FMN1: variants seen among roughly 807,000 people sequenced by gnomAD.
FMN1 encodes the protein formin 1, also known as formin-1.
Under a neutral mutation model 132.4 loss-of-function variants are expected in FMN1, and 110 were observed. The observed-to-expected ratio is 0.83, with a 90% CI of 0.71 to 0.97. The LOEUF is 0.97. Among genes scored for constraint, FMN1 ranks in the 50% least tolerant of loss-of-function variants. FMN1 has a pLI of 0.00. For missense variants in FMN1, 1,792 were observed against 1,705.3 expected (o/e 1.05, Z -0.90); for synonymous variants, 722 against 651.7 (o/e 1.11, Z -1.64).
At position 32,910,842 on chromosome 15, in the gene FMN1, T is replaced by C. The variant is rs146500108; in HGVS notation, c.3227-307A>G. On this transcript the variant is annotated intron_variant, in intron 10 of 20. Coordinates refer to ENST00000616417, the MANE Select transcript of FMN1 (RefSeq NM_001277313.2). The stretch of plus-strand genomic sequence containing the variant: ...TTTAAAACTAAATCAGTTTGTAGGT[T>C]TGAAGCACAATTTTAAATCTTTCTT... 2.7e-3 allele frequency among the ~76,000 whole-genome samples: 412 copies of C among 152,314 alleles called. 4 individuals are homozygous for C. Among genetic ancestry groups the C allele is most frequent in the African/African-American group, 9.6e-3 (400 of 41,552 alleles).
At position 33,028,033 on chromosome 15, in the gene FMN1, G is replaced by A. The variant is rs577971061; in HGVS notation, c.2162-19958C>T. Among the ~76,000 whole-genome samples, 11 of 152,316 alleles carry A rather than the reference G, an allele frequency of 7.2e-5. No individual in the cohort carries two copies. In the East Asian group the frequency reaches 2.1e-3, roughly 29 times the overall value. ...CAAGTCAAAATTTCTCCATGAGCCAGCCTATTTAATCCCTACCCCCATAAA... is the reference window on the plus strand; with the variant it reads ...CAAGTCAAAATTTCTCCATGAGCCAACCTATTTAATCCCTACCCCCATAAA... On this transcript the variant is annotated intron_variant, in intron 6 of 20. Coordinates refer to ENST00000616417, the MANE Select transcript of FMN1 (RefSeq NM_001277313.2).
chr15:33,110,613 G>A (rs896813848), intron 4 of FMN1, among the ~76,000 whole-genome samples: 3 of 151,696 alleles, frequency 2.0e-5, no homozygotes, highest in Admixed American at 6.6e-5. Flanking sequence ...AGTAAAACAC[G>A]TCCCCCCGCC....
chr15:33,003,411 CAGAG>C lies in FMN1; in HGVS notation c.2223+4599_2223+4602del, dbSNP rs531451157. Reference sequence around the variant, plus strand: ...AGCATTCTTATACACCAATAACAGACAGAGAGCCAAATCATGAGTGAACTCCCAT... The same window carrying C: ...AGCATTCTTATACACCAATAACAGACAGCCAAATCATGAGTGAACTCCCAT... On this transcript the variant is annotated intron_variant, in intron 7 of 20. Coordinates refer to ENST00000616417, the MANE Select transcript of FMN1 (RefSeq NM_001277313.2). Among the ~76,000 whole-genome samples, 496 of 152,262 alleles carry C rather than the reference CAGAG, an allele frequency of 3.3e-3. 3 individuals carry two copies. Among genetic ancestry groups the C allele is most frequent in the African/African-American group, 0.011 (473 of 41,548 alleles).
chr15:32,954,190 G>T (rs752184766), intron 9 of FMN1, among the ~76,000 whole-genome samples: 2 of 152,056 alleles, frequency 1.3e-5, no homozygotes, highest in Non-Finnish European at 2.9e-5. Context: ...TAAAAAACTT[G>T]GTTTGTTTAA....
Position 33,012,529 on chromosome 15 carries a change from G to A in FMN1, c.2162-4454C>T, listed in dbSNP as rs534181080. The A allele has an allele frequency of 1.6e-5, 24 of 1,519,214 alleles. No homozygotes were observed. The African/African-American group carries it at 2.9e-4, about 18-fold the overall frequency. The allele number at this position is 1,519,214 out of a possible 1,614,324, so 94.1% of individuals were successfully genotyped here. On this transcript the variant is annotated intron_variant, in intron 6 of 20. Coordinates refer to ENST00000616417, the MANE Select transcript of FMN1 (RefSeq NM_001277313.2). ...AATGGAAGTGATTGAAATCATGACT[G>A]ACCGAGGCAGTGGCAAGAAAAGGGG...
intron 4 of FMN1, among the ~76,000 whole-genome samples, chr15:33,091,673 T>G (rs1309429853): frequency 6.6e-6 from 1 of 152,224 alleles, no homozygotes; most frequent in African/African-American, 2.4e-5. Context: ...CCACAATGTA[T>G]TTATAAAATA....
chr15:32,895,108 T>C (rs1028313267), intron 15 of FMN1, among the ~76,000 whole-genome samples: 1 of 152,144 alleles, frequency 6.6e-6, no homozygotes, highest in Non-Finnish European at 1.5e-5. Flanking sequence ...AGTCATTAAA[T>C]CCTTAGTTGT....
chr15:32,949,632 G>T (rs1255608557), intron 9 of FMN1, among the ~76,000 whole-genome samples: 2 of 151,754 alleles, frequency 1.3e-5, no homozygotes, highest in African/African-American at 2.4e-5. Context: ...TACCATTCAG[G>T]ACACAGGCAC....
chr15:32,898,792 T>C (rs140128513), intron 15 of FMN1, 42 bp downstream of exon 15: 29,376 of 1,266,148 alleles, frequency 0.023, 426 homozygotes, highest in Middle Eastern at 0.043. Context: ...ATGTCAACAA[T>C]GAGTAAGAGG....
intron 4 of FMN1, among the ~76,000 whole-genome samples, chr15:33,113,966 T>C (rs1027065376): frequency 1.1e-4 from 16 of 152,206 alleles, no homozygotes; most frequent in African/African-American, 3.9e-4. Flanking sequence ...ACCTGCTCCT[T>C]AGCTCAGGAA....
At chr15:33,078,798 G>C (rs2038328447) in intron 5 of FMN1, among the ~76,000 whole-genome samples, 1 of 151,426 alleles carries the variant, frequency 6.6e-6, no homozygotes, top group Non-Finnish European at 1.5e-5. Flanking sequence ...CTTCATCCTG[G>C]AGAGAGAGAG....
intron 7 of FMN1, among the ~76,000 whole-genome samples, chr15:32,981,950 C>A (rs374337698): frequency 6.6e-6 from 1 of 151,986 alleles, no homozygotes; most frequent in Admixed American, 6.6e-5. Context: ...AGTCTCTAAG[C>A]CACACAGGGA....
rs529299814 is a variant in FMN1 at position 33,104,671 on chromosome 15, C to T, written c.1868-15697G>A. Among the ~76,000 whole-genome samples the T allele has an allele frequency of 8.7e-4, 132 of 152,054 alleles. 2 individuals are homozygous for T. In the South Asian group the frequency reaches 0.02, roughly 23 times the overall value. ...TATGTATTCCTGAAGCAATGTTTTCCACCTAATGTAATTCTCAAATAGTTT... is the reference window on the plus strand; with the variant it reads ...TATGTATTCCTGAAGCAATGTTTTCTACCTAATGTAATTCTCAAATAGTTT... On this transcript the variant is annotated intron_variant, in intron 4 of 20. Transcript: ENST00000616417.
At chr15:33,116,787 G>C (rs922819445) in intron 4 of FMN1, among the ~76,000 whole-genome samples, 1 of 151,930 alleles carries the variant, frequency 6.6e-6, no homozygotes, top group African/African-American at 2.4e-5. Context: ...AGTCGACAAA[G>C]TATAGGCCTT....
chr15:32,905,282 G>A (rs1271699865), intron 12 of FMN1, among the ~76,000 whole-genome samples: 1 of 152,128 alleles, frequency 6.6e-6, no homozygotes, highest in East Asian at 1.9e-4. Context: ...TTTCTGAATG[G>A]TATCACCTAA....
chr15:33,072,938 CAA>C (rs1245007019), intron 5 of FMN1, among the ~76,000 whole-genome samples: 1 of 142,604 alleles, frequency 7.0e-6, no homozygotes, highest in Non-Finnish European at 1.5e-5. Flanking sequence ...AAAAAAAAAA[CAA>C]AAACAGAACA....
intron 7 of FMN1, among the ~76,000 whole-genome samples, chr15:32,972,864 A>G (rs1246097783): frequency 6.6e-6 from 1 of 152,160 alleles, no homozygotes; most frequent in Non-Finnish European, 1.5e-5. Context: ...TGGAAAGTGA[A>G]CTCATTGTTG....
intron 4 of FMN1, among the ~76,000 whole-genome samples, chr15:33,092,572 C>T (rs537934450): frequency 6.6e-5 from 10 of 152,240 alleles, no homozygotes; most frequent in African/African-American, 2.4e-4. Context: ...TCGGGAGCTT[C>T]GAATGAGACG....
At chr15:33,097,933 C>A (rs925443744) in intron 4 of FMN1, among the ~76,000 whole-genome samples, 1 of 152,162 alleles carries the variant, frequency 6.6e-6, no homozygotes, top group Non-Finnish European at 1.5e-5. Context: ...ACTCCATTCA[C>A]AGTAACTGTA....
Sources: allele counts gnomAD v4.1 joint callset (sites outside exome capture counted in the v4.1 genomes callset), GRCh38; gene constraint gnomAD v4.1.1; transcripts MANE v1.5; gene names NCBI Gene and HGNC (gene_info 2026-07-23, HGNC 2026-07-21).